The following RPA1 variants were observed in gnomAD, a reference collection of about 807,000 sequenced individuals.
RPA1 encodes replication protein A 70 kDa DNA-binding subunit.
RPA1 carries 49 observed loss-of-function variants against 83.0 expected under a neutral mutation model. That is an observed-to-expected ratio of 0.59 (90% CI 0.47 to 0.75). The LOEUF (loss-of-function observed/expected upper bound fraction) is 0.75. Among genes scored for constraint, RPA1 ranks in the 30% least tolerant of loss-of-function variants. The pLI is 0.00. For missense variants in RPA1, 693 were observed against 776.1 expected (o/e 0.89, Z 1.27); for synonymous variants, 279 against 281.8 (o/e 0.99, Z 0.10).
chr17:1,872,375 T>G, intron 5 of RPA1, 59 bp from the exon 6 acceptor site: 1 of 1,584,980 alleles, frequency 6.3e-7, no homozygotes, highest in Non-Finnish European at 8.6e-7. Flanking sequence ...TCTACCCAAG[T>G]TTAAATCTCT....
At chr17:1,841,081 TAAAG>T (rs1050940829) in intron 1 of RPA1, among the ~76,000 whole-genome samples, 24 of 152,070 alleles carry the variant, frequency 1.6e-4, no homozygotes, top group African/African-American at 3.4e-4. Flanking sequence ...TAAAATAAAA[TAAAG>T]AAAGTTCTTT....
chr17:1,856,492 G>A (rs1255685730), intron 5 of RPA1, among the ~76,000 whole-genome samples: 4 of 151,954 alleles, frequency 2.6e-5, no homozygotes, highest in Non-Finnish European at 4.4e-5. Context: ...CCAGCCACTC[G>A]TGAGGCTGAG....
At chr17:1,879,964 C>G (rs561181546) in intron 11 of RPA1, among the ~76,000 whole-genome samples, 1 of 145,130 alleles carries the variant, frequency 6.9e-6, no homozygotes, top group Admixed American at 6.9e-5. Context: ...GGGTCTTGTC[C>G]TATAGGATGG....
chr17:1,894,802 A>G (rs116650100), intron 15 of RPA1, among the ~76,000 whole-genome samples: 9 of 152,304 alleles, frequency 5.9e-5, no homozygotes, highest in East Asian at 3.9e-4. Flanking sequence ...CTGCCATTCT[A>G]CCTTCTATGA....
chr17:1,838,054 G>T (rs1317862092), intron 1 of RPA1, among the ~76,000 whole-genome samples: 1 of 152,176 alleles, frequency 6.6e-6, no homozygotes, highest in African/African-American at 2.4e-5. Context: ...CACTTTGGGA[G>T]GCTGAGGCGG....
At chr17:1,857,281 A>C (rs1183061938) in intron 5 of RPA1, among the ~76,000 whole-genome samples, 1 of 132,130 alleles carries the variant, frequency 7.6e-6, no homozygotes, top group African/African-American at 3.0e-5. Context: ...TTTTTTTTTC[A>C]AAGATAAAAT....
intron 1 of RPA1, among the ~76,000 whole-genome samples, chr17:1,839,713 T>C (rs1911968210): frequency 6.6e-6 from 1 of 151,070 alleles, no homozygotes; most frequent in East Asian, 1.9e-4. Flanking sequence ...CATAGTTTAC[T>C]GCAGCTTTAT....
At position 1,879,329 on chromosome 17, in the gene RPA1, G is replaced by A. The variant is rs41547814; in HGVS notation, c.874G>A (p.Asp292Asn). ...NETSVMPCED[D>N]HHLPTVQFDF... ...GACTTCCGTCATGCCCTGTGAGGAC[G>A]ACCATCATTTACCTACGGTTCAGTT... is the stretch of plus-strand genomic sequence containing the variant. The change falls in exon 10 of 17, where the codon GAC (aspartate) becomes AAC (asparagine). Residue 292 changes from aspartate to asparagine, a missense_variant. By Grantham distance (23) the Asp-to-Asn change is conservative. Transcript: ENST00000254719. 4.3e-6 allele frequency: 7 copies of A among 1,614,142 alleles called. No individual in the cohort carries two copies. In the East Asian group the frequency reaches 6.7e-5, roughly 15 times the overall value.
chr17:1,848,658 G>A (rs867506434), intron 4 of RPA1, among the ~76,000 whole-genome samples: 2 of 137,780 alleles, frequency 1.5e-5, no homozygotes, highest in Middle Eastern at 3.6e-3. Flanking sequence ...TCTGCCTCCC[G>A]AGTTCAAGCA....
At chr17:1,891,712 C>T in intron 14 of RPA1, 121 bp from the exon 15 acceptor site, 2 of 647,452 alleles carry the variant, frequency 3.1e-6, no homozygotes, top group Admixed American at 2.8e-5. Context: ...GAGCCCACTG[C>T]ACCTGGCCCT....
At chr17:1,868,230 A>G (rs1913253241) in intron 5 of RPA1, among the ~76,000 whole-genome samples, 2 of 152,172 alleles carry the variant, frequency 1.3e-5, no homozygotes, top group Non-Finnish European at 2.9e-5. Context: ...TTACTCTCGA[A>G]TTTCGTTGTA....
At chr17:1,843,359 G>C (rs925570822) in intron 2 of RPA1, among the ~76,000 whole-genome samples, 5 of 151,572 alleles carry the variant, frequency 3.3e-5, no homozygotes, top group African/African-American at 1.2e-4. Context: ...CACCACACGC[G>C]CCGTGGGTCA....
At position 1,894,944 on chromosome 17, in the gene RPA1, T is replaced by C. The variant is rs1351289820; in HGVS notation, c.1660-65T>C. On this transcript the variant is annotated intron_variant, in intron 15 of 16. Transcript: ENST00000254719. ...GCATTTTCAGAAGTCTTTTTAAAAG[T>C]CTTATCAGTATTTGCAAGTTGTCCA... is the stretch of plus-strand genomic sequence containing the variant. The C allele has an allele frequency of 1.8e-5, 24 of 1,304,934 alleles. No homozygotes were observed. The Admixed American group carries it at 4.3e-4, about 23-fold the overall frequency. 80.8% of individuals were successfully genotyped at this position (1,304,934 alleles called of 1,614,324 possible).
chr17:1,861,340 C>T (rs898815553), intron 5 of RPA1, among the ~76,000 whole-genome samples: 1 of 152,212 alleles, frequency 6.6e-6, no homozygotes, highest in African/African-American at 2.4e-5. Flanking sequence ...CCCACTCGCT[C>T]GCTTTCCTGT....
chr17:1,894,726 A>G (rs913543317), intron 15 of RPA1, among the ~76,000 whole-genome samples: 2 of 152,172 alleles, frequency 1.3e-5, no homozygotes, highest in African/African-American at 4.8e-5. Context: ...ATGGGTGGCG[A>G]TTTGAAACTC....
intron 5 of RPA1, among the ~76,000 whole-genome samples, chr17:1,865,112 A>G (rs1481769585): frequency 6.6e-6 from 1 of 152,208 alleles, no homozygotes; most frequent in African/African-American, 2.4e-5. Context: ...CAATCGCAGA[A>G]TGTTGAGGTA....
At chr17:1,839,553 C>T (rs947739812) in intron 1 of RPA1, among the ~76,000 whole-genome samples, 4 of 149,878 alleles carry the variant, frequency 2.7e-5, no homozygotes, top group Admixed American at 6.7e-5. Flanking sequence ...CTTGATCTCC[C>T]AACCTCATGT....
chr17:1,889,608 T>C (rs1179640925), intron 14 of RPA1, among the ~76,000 whole-genome samples: 2 of 152,178 alleles, frequency 1.3e-5, no homozygotes, highest in African/African-American at 4.8e-5. Context: ...TCCAAAGTGC[T>C]GGCATTACAA....
intron 14 of RPA1, among the ~76,000 whole-genome samples, chr17:1,889,766 G>A (rs1439710756): frequency 3.9e-5 from 6 of 152,236 alleles, no homozygotes; most frequent in East Asian, 1.9e-4. Flanking sequence ...TTGGGAGGCC[G>A]AGGCGGGTGC....
Sources: gnomAD v4.1 joint callset for allele counts (sites outside exome capture counted in the v4.1 genomes callset) on GRCh38, gnomAD v4.1.1 for gene constraint, MANE v1.5 for transcripts, NCBI Gene and HGNC (gene_info 2026-07-23, HGNC 2026-07-21) for gene names.